Variants in DMBT1 observed in about 807,000 individuals in gnomAD.
The protein encoded by DMBT1 is scavenger receptor cysteine-rich domain-containing protein DMBT1.
Under a neutral mutation model 252.9 loss-of-function variants are expected in DMBT1, and 198 were observed. That is an observed-to-expected ratio of 0.78 (90% CI 0.70 to 0.88). The LOEUF is 0.88. Among genes scored for constraint, DMBT1 ranks in the 40% least tolerant of loss-of-function variants. The pLI is 0.00. For synonymous variants in DMBT1, 990 were observed against 942.7 expected (o/e 1.05, Z -0.92); for missense variants, 2,432 against 2,404.7 (o/e 1.01, Z -0.24).
At chr10:122,634,430 TTCTCTCTCTCTCTCTCTCTCTCTCTC>T (rs764559052) in intron 52 of DMBT1, among the ~76,000 whole-genome samples, 2,183 of 73,884 alleles carry the variant, frequency 0.03, 149 homozygotes, top group East Asian at 0.1. Context: ...TCTCTCTCTC[TTCTCTCTCTCTCTCTCTCTCTCTCTC>T]TCTCTCTCTC....
At chr10:122,575,536 T>C (rs1460163938) in intron 6 of DMBT1, among the ~76,000 whole-genome samples, 1 of 151,560 alleles carries the variant, frequency 6.6e-6, no homozygotes. Context: ...GGGGGTGTGG[T>C]GGGGTTTGTT....
Position 122,576,637 on chromosome 10 carries a change from C to G in DMBT1, c.522C>G (p.His174Gln), listed in dbSNP as rs200275337. 4.3e-6 allele frequency: 7 copies of G among 1,613,708 alleles called. No homozygotes were observed. The highest frequency in any genetic ancestry group is 5.1e-6 in the Non-Finnish European group (6 of 1,179,760). The change falls in exon 7 of 56, where the codon CAC becomes CAG. Residue 174 changes from histidine to glutamine, a missense_variant. Transcript: ENST00000338354. ...IALDDVRCSG[H>Q]ESYLWSCPHN... ...TGGATGATGTGCGCTGCTCAGGACA[C>G]GAATCCTACCTGTGGAGCTGCCCCC...
chr10:122,639,999 T>A, intron 54 of DMBT1, 41 bp from the exon 55 acceptor site: 1 of 1,588,732 alleles, frequency 6.3e-7, no homozygotes, highest in Non-Finnish European at 8.6e-7. Context: ...CCTTAGCAGG[T>A]GACATGTGCC....
intron 49 of DMBT1, 84 bp from the exon 50 acceptor site, chr10:122,631,771 A>T: frequency 6.7e-7 from 1 of 1,497,200 alleles, no homozygotes. Context: ...GTTATGGGCC[A>T]TGTAAGTGTA....
chr10:122,565,510 C>T (rs551528774), intron 1 of DMBT1, among the ~76,000 whole-genome samples: 63 of 152,308 alleles, frequency 4.1e-4, no homozygotes, highest in African/African-American at 1.5e-3. Flanking sequence ...CCATTTGCTT[C>T]AAGATGGAAT....
In DMBT1 at chr10:122,634,449, TCTCTCTCTCTCTCTCTC is replaced by T. The variant is rs1566008607; in HGVS notation, c.6548+1109_6548+1125del. ...TCTCTCTTCTCTCTCTCTCTCTCTC[TCTCTCTCTCTCTCTCTC>T]TCTCTCTCTCTCTCTTTCTCTCTTT... On this transcript the variant is annotated intron_variant, in intron 52 of 55. Transcript: ENST00000338354. Among the ~76,000 whole-genome samples, 309 of 74,152 alleles carry T rather than the reference TCTCTCTCTCTCTCTCTC, an allele frequency of 4.2e-3. 3 individuals are homozygous for T. In the East Asian group the frequency reaches 0.066, roughly 16 times the overall value. 48.6% of individuals were successfully genotyped at this position (74,152 alleles called of 152,430 possible). A position where few individuals can be genotyped will look rare whatever the true frequency, so the allele number is the denominator to read the frequency against.
In DMBT1 at chr10:122,585,898, C is replaced by T. The variant is rs923967206; in HGVS notation, c.1460-162C>T. Among the ~76,000 whole-genome samples the T allele has an allele frequency of 1.0e-4, 15 of 148,948 alleles. 2 individuals carry two copies. The highest frequency in any genetic ancestry group is 2.1e-4 in the Non-Finnish European group (14 of 66,840). On this transcript the variant is annotated intron_variant, in intron 15 of 55. Coordinates refer to ENST00000338354, the MANE Select transcript of DMBT1 (RefSeq NM_001377530.1). ...TTCATAAACCCAGGCAGAACTGCTTCTTTGACTTTGATGAAGCTGAATCTC... is the reference window on the plus strand; with the variant it reads ...TTCATAAACCCAGGCAGAACTGCTTTTTTGACTTTGATGAAGCTGAATCTC...
At chr10:122,575,267 C>T (rs1021638587) in intron 6 of DMBT1, among the ~76,000 whole-genome samples, 3 of 152,186 alleles carry the variant, frequency 2.0e-5, no homozygotes, top group African/African-American at 7.2e-5. Flanking sequence ...TTTTGCATCC[C>T]TCTTCTGGAG....
At chr10:122,589,323 G>A (rs2097826020) in intron 17 of DMBT1, 56 bp downstream of exon 17, 1 of 1,582,722 alleles carries the variant, frequency 6.3e-7, no homozygotes, top group Non-Finnish European at 8.6e-7. Flanking sequence ...CCCAGGAAGA[G>A]AGGTCTTATG....
intron 4 of DMBT1, 108 bp downstream of exon 4, chr10:122,571,045 G>T (rs1193982949): frequency 5.9e-6 from 8 of 1,357,526 alleles, no homozygotes; most frequent in Non-Finnish European, 8.4e-6. Context: ...GGGTGCTGGT[G>T]TCATGTTCTC....
chr10:122,643,434 C>T lies in DMBT1; in HGVS notation c.*36C>T. Reference sequence around the variant, plus strand: ...TCAGACCCCACTGTCCACCGGGGCGCAGACCCCTGACTCGGGGACTTGGGA... The same window carrying T: ...TCAGACCCCACTGTCCACCGGGGCGTAGACCCCTGACTCGGGGACTTGGGA... On this transcript the variant is annotated 3_prime_UTR_variant, in exon 56 of 56. Transcript: ENST00000338354. 1 of 1,582,858 alleles carries T rather than the reference C, an allele frequency of 6.3e-7. No individual in the cohort carries two copies. The highest frequency in any genetic ancestry group is 8.6e-7 in the Non-Finnish European group (1 of 1,163,294).
At chr10:122,617,877 C>A (rs1203753331) in intron 40 of DMBT1, 140 bp from the exon 41 acceptor site, 28 of 1,442,850 alleles carry the variant, frequency 1.9e-5, no homozygotes, top group Admixed American at 3.9e-5. Flanking sequence ...TAAAGCTGAA[C>A]CTCCGGTAGC....
At chr10:122,627,355 AACAC>A (rs139009577) in intron 46 of DMBT1, among the ~76,000 whole-genome samples, 1 of 150,644 alleles carries the variant, frequency 6.6e-6, no homozygotes, top group Non-Finnish European at 1.5e-5. Flanking sequence ...CACACACACA[AACAC>A]ACACACACAC....
intron 1 of DMBT1, among the ~76,000 whole-genome samples, chr10:122,561,449 C>T (rs1042602652): frequency 1.3e-5 from 2 of 152,158 alleles, no homozygotes; most frequent in South Asian, 2.1e-4. Context: ...AGATGATAAA[C>T]GTGAGAGAGC....
chr10:122,587,751 C>T (rs955993963), intron 16 of DMBT1, among the ~76,000 whole-genome samples: 1 of 148,594 alleles, frequency 6.7e-6, no homozygotes, highest in African/African-American at 2.4e-5. Flanking sequence ...CCTCCACTTG[C>T]CAGGAGACTT....
intron 14 of DMBT1, among the ~76,000 whole-genome samples, chr10:122,584,869 A>G (rs1335930752): frequency 1.3e-5 from 2 of 149,178 alleles, no homozygotes; most frequent in African/African-American, 4.9e-5. Context: ...GGAGAGGGAT[A>G]ATAAATATTT....
Position 122,640,349 on chromosome 10 carries a change from C to G in DMBT1, c.7252C>G (p.Leu2418Val), listed in dbSNP as rs1844297525. 3 of 1,613,956 alleles carry G rather than the reference C, an allele frequency of 1.9e-6. No individual in the cohort carries two copies. Among genetic ancestry groups the G allele is most frequent in the African/African-American group, 2.7e-5 (2 of 74,946 alleles). ...GGACTTGTACGTTCAGGCTGAAATC[C>G]TCCATTCTGATGCTGTACTGACCTT... ...NQDLYVQAEI[L>V]HSDAVLTLFV... The change falls in exon 55 of 56, where the codon CTC (leucine) becomes GTC (valine). Residue 2418 changes from leucine (L) to valine (V), a missense_variant. Leu to Val is a conservative substitution (Grantham distance 32, BLOSUM62 1). This residue lies in a region of DMBT1 where 1,162 missense variants were observed against 1,169.0 expected (regional missense o/e 0.99). Transcript: ENST00000338354.
At chr10:122,571,318 A>G (rs182292852) in intron 4 of DMBT1, among the ~76,000 whole-genome samples, 8 of 152,262 alleles carry the variant, frequency 5.3e-5, no homozygotes, top group Non-Finnish European at 1.0e-4. Context: ...TGCTGATGGA[A>G]TCACCTTGTG....
chr10:122,625,254 A>G, intron 44 of DMBT1, 23 bp from the exon 45 acceptor site: 1 of 1,608,994 alleles, frequency 6.2e-7, no homozygotes, highest in Non-Finnish European at 8.5e-7. Flanking sequence ...GGACTGACTC[A>G]TGTTTTCTTC....
Sources: gnomAD v4.1 joint callset for allele counts (sites outside exome capture counted in the v4.1 genomes callset) on GRCh38, gnomAD v4.1.1 for gene constraint, gnomAD v4.1.1 regional missense constraint, MANE v1.5 for transcripts, NCBI Gene and HGNC (gene_info 2026-07-23, HGNC 2026-07-21) for gene names.